The following ISM1 variants were observed in gnomAD, a reference collection of about 807,000 sequenced individuals.
The protein encoded by ISM1 is isthmin 1.
In ISM1, 25 loss-of-function variants were observed where a neutral mutation model predicts 46.3. The ratio of observed to expected loss-of-function variants is 0.54; its 90% CI spans 0.39 to 0.75. The LOEUF (loss-of-function observed/expected upper bound fraction) is 0.75, where lower values mean the gene tolerates loss of function less well. ISM1 is among the 30% of genes least tolerant of loss of function. The pLI, the probability that ISM1 is intolerant of heterozygous loss-of-function variation, is 0.00. For synonymous variants in ISM1, 255 were observed against 256.7 expected, an observed-to-expected ratio of 0.99 and a Z score of 0.06; for missense variants, 536 against 625.4, an observed-to-expected ratio of 0.86 and a Z score of 1.52.
chr20:13,309,287 A>T, the ISM1 span, among the ~76,000 whole-genome samples: 1 of 144,524 alleles, frequency 6.9e-6, no homozygotes, highest in African/African-American at 2.5e-5. Flanking sequence ...TTATTTCTTT[A>T]AAAAAAAAAA....
chr20:13,325,243 T>G, the ISM1 span, among the ~76,000 whole-genome samples: 1 of 152,324 alleles, frequency 6.6e-6, no homozygotes, highest in Non-Finnish European at 1.5e-5. Flanking sequence ...ACTTATCTTT[T>G]GTTCCCATCA....
chr20:13,241,823 G>A (rs2039727879), intron 1 of ISM1, among the ~76,000 whole-genome samples: 1 of 152,082 alleles, frequency 6.6e-6, no homozygotes. Flanking sequence ...TGCTTTTATT[G>A]TTCCCATCAC....
intron 1 of ISM1, among the ~76,000 whole-genome samples, chr20:13,257,612 T>C (rs1322668194): frequency 1.3e-5 from 2 of 152,112 alleles, no homozygotes; most frequent in Non-Finnish European, 2.9e-5. Context: ...ACTATATCTA[T>C]GGGTTTTGTT....
At chr20:13,309,300 C>G in the ISM1 span, among the ~76,000 whole-genome samples, 6 of 151,132 alleles carry the variant, frequency 4.0e-5, no homozygotes, top group African/African-American at 1.5e-4. Context: ...AAAAAAAAGC[C>G]TAACAGAATA....
chr20:13,260,992 C>A (rs1233145437), intron 1 of ISM1, among the ~76,000 whole-genome samples: 1 of 152,130 alleles, frequency 6.6e-6, no homozygotes, highest in Non-Finnish European at 1.5e-5. Context: ...TCTCACCATT[C>A]AACAGGCTAG....
chr20:13,288,762 C>T, intron 4 of ISM1, 79 bp downstream of exon 4: 3 of 1,392,128 alleles, frequency 2.2e-6, no homozygotes, highest in African/African-American at 1.4e-5. Flanking sequence ...GTGACATTGT[C>T]TTTTTAAAAG....
chr20:13,263,481 G>C (rs1048213949), intron 1 of ISM1, among the ~76,000 whole-genome samples: 1 of 152,172 alleles, frequency 6.6e-6, no homozygotes, highest in Admixed American at 6.5e-5. Context: ...TCTTAGGAGT[G>C]CTTGCTCCTC....
chr20:13,289,517 A>G (rs1362007471), intron 4 of ISM1, among the ~76,000 whole-genome samples: 1 of 152,182 alleles, frequency 6.6e-6, no homozygotes, highest in Non-Finnish European at 1.5e-5. Flanking sequence ...ATTGTGATTG[A>G]CTATAGCAGT....
rs1332715227 is a variant in ISM1, at chr20:13,299,829, A to C, written c.*370A>C. On this transcript the variant is annotated 3_prime_UTR_variant, in exon 6 of 6. Coordinates refer to ENST00000262487, the MANE Select transcript of ISM1 (RefSeq NM_080826.2). This position sits in a 1 kb window ranked among gnomAD's most constrained non-coding sequence, Gnocchi z 5.8. ...AAGAGACTGAGGTTGTAAACGTTAT[A>C]AGCAGTTTTTATATATAACTTATTT... 1 of 188,126 alleles carries C rather than the reference A, an allele frequency of 5.3e-6. No individual in the cohort carries two copies. Among genetic ancestry groups the C allele is most frequent in the Non-Finnish European group, 1.1e-5 (1 of 89,370 alleles). 11.7% of individuals were successfully genotyped at this position (188,126 alleles called of 1,614,324 possible).
chr20:13,312,752 C>T, the ISM1 span, among the ~76,000 whole-genome samples: 37 of 152,302 alleles, frequency 2.4e-4, no homozygotes, highest in East Asian at 7.0e-3. Flanking sequence ...GGGAAATCAT[C>T]ACACTTAGTC....
At chr20:13,316,099 T>C in the ISM1 span, among the ~76,000 whole-genome samples, 1 of 151,802 alleles carries the variant, frequency 6.6e-6, no homozygotes, top group Non-Finnish European at 1.5e-5. Context: ...ATATCAGAAA[T>C]GAAAGAGTGG....
chr20:13,222,620 C>T lies in ISM1; in HGVS notation c.138+706C>T, dbSNP rs57163782. Among the ~76,000 whole-genome samples, 270 of 152,262 alleles carry T rather than the reference C, an allele frequency of 1.8e-3. 1 individual carries two copies. Among genetic ancestry groups the T allele is most frequent in the African/African-American group, 6.2e-3 (259 of 41,544 alleles). ...GCAAAGTCTTTCTCCCAAGGATCTT[C>T]CCCGTTGAAGGTCGCTTTAGCAATG... is the stretch of plus-strand genomic sequence containing the variant. On this transcript the variant is annotated intron_variant, in intron 1 of 5. Coordinates refer to ENST00000262487, the MANE Select transcript of ISM1 (RefSeq NM_080826.2).
rs563911920 is a variant in ISM1, at chr20:13,295,540, G to A, written c.877+3077G>A. ...AGCCTTCCCTTGTCCTTCCCCCATC[G>A]ATGCTATTGCAGTCTGTGTCCATTA... On this transcript the variant is annotated intron_variant, in intron 5 of 5. Transcript: ENST00000262487. Among the ~76,000 whole-genome samples, 131 of 152,168 alleles carry A rather than the reference G, an allele frequency of 8.6e-4. 1 individual carries two copies. The highest frequency in any genetic ancestry group is 3.1e-3 in the African/African-American group (130 of 41,508).
chr20:13,243,924 T>A (rs1369768942), intron 1 of ISM1: 1 of 152,210 alleles, frequency 6.6e-6, no homozygotes, highest in African/African-American at 2.4e-5. Context: ...TGTTTCTCAA[T>A]TTTCCACATA....
chr20:13,323,747 T>C, the ISM1 span, among the ~76,000 whole-genome samples: 14 of 151,998 alleles, frequency 9.2e-5, no homozygotes, highest in African/African-American at 3.4e-4. Flanking sequence ...TATTTAGTAT[T>C]TATCTTGGAA....
At chr20:13,223,421 T>C (rs904397833) in intron 1 of ISM1, among the ~76,000 whole-genome samples, 6 of 152,332 alleles carry the variant, frequency 3.9e-5, no homozygotes, top group Admixed American at 3.9e-4. Flanking sequence ...TTACAAGACA[T>C]GGTACTGTTA....
At chr20:13,307,493 G>T in the ISM1 span, among the ~76,000 whole-genome samples, 1 of 152,112 alleles carries the variant, frequency 6.6e-6, no homozygotes, top group Non-Finnish European at 1.5e-5. Context: ...ACTCACTGAA[G>T]TGTACACTTT....
At position 13,221,929 on chromosome 20, in the gene ISM1, G is replaced by A; in HGVS notation, c.138+15G>A. 2.3e-6 allele frequency: 3 copies of A among 1,325,500 alleles called. No individual in the cohort carries two copies. Among genetic ancestry groups the A allele is most frequent in the Admixed American group, 4.1e-5 (1 of 24,206 alleles). 82.1% of individuals were successfully genotyped at this position (1,325,500 alleles called of 1,614,324 possible). ...CCCAGCTGCAGGTGAGTGCGCCGCC[G>A]GAGAGGGCCGTGCGCGGCTGCGGGG... is the stretch of plus-strand genomic sequence containing the variant. On this transcript the variant is annotated intron_variant, in intron 1 of 5. Transcript: ENST00000262487.
chr20:13,318,167 G>A, the ISM1 span, among the ~76,000 whole-genome samples: 1 of 18,142 alleles, frequency 5.5e-5, no homozygotes, highest in African/African-American at 1.7e-4. Context: ...AAATAAAAAT[G>A]AGCCAAAGAC....
Sources: gnomAD v4.1 joint callset for allele counts (sites outside exome capture counted in the v4.1 genomes callset) on GRCh38, gnomAD v4.1.1 for gene constraint, Gnocchi (gnomAD v3.1) non-coding constraint, MANE v1.5 for transcripts, NCBI Gene and HGNC (gene_info 2026-07-23, HGNC 2026-07-21) for gene names.